MAP3K15: variants seen among roughly 807,000 people sequenced by gnomAD.
MAP3K15 encodes MAPK/ERK kinase kinase 15.
Under a neutral mutation model 99.5 loss-of-function variants are expected in MAP3K15, and 124 were observed. The observed-to-expected ratio is 1.25, with a 90% confidence interval of 1.08 to 1.45. The LOEUF is 1.45. MAP3K15 is among the 40% of genes most tolerant of loss of function. The probability of loss-of-function intolerance (pLI) is 0.00; values close to 1 mark genes in which losing one functional copy is unlikely to be tolerated. For synonymous variants in MAP3K15, 494 were observed against 439.6 expected (o/e 1.12, Z -1.55); for missense variants, 1,242 against 1,079.7 (o/e 1.15, Z -2.11).
intron 18 of MAP3K15, among the ~76,000 whole-genome samples, chrX:19,383,081 A>G (rs2063470786): frequency 9.0e-6 from 1 of 110,861 alleles, no homozygotes; most frequent in African/African-American, 3.3e-5. Flanking sequence ...TTCCAGAACC[A>G]GCCTCATCTT....
chrX:19,394,979 C>T, intron 16 of MAP3K15, 102 bp downstream of exon 16: 1 of 1,014,235 alleles, frequency 9.9e-7, no homozygotes, highest in East Asian at 3.5e-5. Context: ...GCCCTACAGG[C>T]CTGGCTTAGG....
chrX:19,391,956 C>A lies in MAP3K15; in HGVS notation c.2431+46G>T, dbSNP rs779868780. 1.9e-5 allele frequency: 18 copies of A among 968,213 alleles called. No individual in the cohort carries two copies. The East Asian group carries it at 4.3e-4, about 23-fold the overall frequency. 79.8% of individuals were successfully genotyped at this position (968,213 alleles called of 1,213,427 possible). A position where few individuals can be genotyped will look rare whatever the true frequency, so the allele number is the denominator to read the frequency against. ...GAACAACCGCAGCTTGTGCAGAAAGCGTAACTCTGGGATGGGCACCCTGTG... is the reference window on the plus strand; with the variant it reads ...GAACAACCGCAGCTTGTGCAGAAAGAGTAACTCTGGGATGGGCACCCTGTG... On this transcript the variant is annotated intron_variant, in intron 18 of 28. Transcript: ENST00000338883.
At chrX:19,384,749 GAAAAAAAAAAA>G (rs34619145) in intron 18 of MAP3K15, among the ~76,000 whole-genome samples, 83 of 22,554 alleles carry the variant, frequency 3.7e-3, no homozygotes, top group Non-Finnish European at 4.7e-3. Context: ...TGTCTCAGGG[GAAAAAAAAAAA>G]AAAAAAAAAA....
chrX:19,455,006 G>A (rs1177422861), intron 6 of MAP3K15, among the ~76,000 whole-genome samples: 1 of 111,739 alleles, frequency 8.9e-6, no homozygotes, highest in African/African-American at 3.3e-5. Flanking sequence ...CTATGTTGAC[G>A]GCTGGCCAAC....
intron 6 of MAP3K15, among the ~76,000 whole-genome samples, chrX:19,455,192 G>A (rs2064083086): frequency 9.0e-6 from 1 of 110,853 alleles, no homozygotes; most frequent in Non-Finnish European, 1.9e-5. Context: ...AATCAGACTA[G>A]AAGGAAAAGA....
rs754971655 is a variant in MAP3K15, at chrX:19,416,519, C to A, written c.1440-1262G>T. On this transcript the variant is annotated intron_variant, in intron 9 of 28. Transcript: ENST00000338883. ...AACACCATGGGACCCATAGAGAGTG[C>A]CACTAGTGATACTGGAAATGCTCCC... is the stretch of plus-strand genomic sequence containing the variant. Among the ~76,000 whole-genome samples, 3 of 111,469 alleles carry A rather than the reference C, an allele frequency of 2.7e-5. No individual in the cohort carries two copies. In the South Asian group the frequency reaches 1.1e-3, roughly 42 times the overall value.
rs1238173716 is a variant in MAP3K15 at position 19,448,930 on chromosome X, C to CT, written c.995+7982dup. Among the ~76,000 whole-genome samples the CT allele has an allele frequency of 2.0e-4, 22 of 109,201 alleles. No homozygotes were observed. The Admixed American group carries it at 2.0e-3, about 10-fold the overall frequency. 94.8% of individuals were successfully genotyped at this position (109,201 alleles called of 115,157 possible). ...CCTCAAATTAATTCCCACCATTCTA[C>CT]TTTTTTTTCCCAGCAGTCCAGTCCA... On this transcript the variant is annotated intron_variant, in intron 6 of 28. Transcript: ENST00000338883.
chrX:19,384,573 C>T (rs767681592), intron 18 of MAP3K15, among the ~76,000 whole-genome samples: 1 of 107,039 alleles, frequency 9.3e-6, no homozygotes, highest in East Asian at 2.9e-4. Flanking sequence ...AACCCCATCT[C>T]TACTAAAAAA....
intron 7 of MAP3K15, among the ~76,000 whole-genome samples, chrX:19,428,420 C>A (rs188784608): frequency 9.0e-6 from 1 of 111,515 alleles, no homozygotes; most frequent in African/African-American, 3.3e-5. Context: ...ACATTAACTT[C>A]CCTTCGATAC....
Position 19,372,841 on chromosome X carries a change from C to A in MAP3K15, c.2934-14G>T, listed in dbSNP as rs368140397. The A allele has an allele frequency of 1.7e-6, 2 of 1,197,277 alleles. No individual in the cohort carries two copies. The highest frequency in any genetic ancestry group is 1.8e-5 in the African/African-American group (1 of 56,799). ...TCGTCTGGAACACTGTGGACAAACA[C>A]GTGTGACAATCTCTGTGCGTGCCGG... On this transcript the variant is annotated splice_polypyrimidine_tract_variant and intron_variant, in intron 21 of 28. Transcript: ENST00000338883.
chrX:19,382,581 G>A (rs1411446376), intron 18 of MAP3K15, among the ~76,000 whole-genome samples: 1 of 112,245 alleles, frequency 8.9e-6, no homozygotes, highest in Non-Finnish European at 1.9e-5. Context: ...TTGTATCAGT[G>A]AGCACAACAG....
intron 13 of MAP3K15, among the ~76,000 whole-genome samples, chrX:19,405,573 T>C (rs2063642337): frequency 8.9e-6 from 1 of 112,306 alleles, no homozygotes; most frequent in African/African-American, 3.2e-5. Context: ...AACCTTTTGT[T>C]TTGCTATAAA....
intron 7 of MAP3K15, among the ~76,000 whole-genome samples, chrX:19,426,709 C>T (rs143211403): frequency 0.049 from 5,143 of 104,744 alleles, 349 homozygotes; most frequent in African/African-American, 0.17. Flanking sequence ...CCCAGCTACT[C>T]GGGAGGCTGA....
At chrX:19,451,314 G>C (rs1336265132) in intron 6 of MAP3K15, among the ~76,000 whole-genome samples, 1 of 101,467 alleles carries the variant, frequency 9.9e-6, no homozygotes, top group African/African-American at 3.5e-5. Flanking sequence ...TCAGATAAAT[G>C]AGACATCAAA....
intron 3 of MAP3K15, among the ~76,000 whole-genome samples, chrX:19,478,911 C>T (rs1475704723): frequency 1.3e-5 from 1 of 75,974 alleles, no homozygotes; most frequent in Non-Finnish European, 2.6e-5. Context: ...GGGTAGAACA[C>T]CTTGTTTTCT....
chrX:19,435,781 T>C (rs1443870053), intron 6 of MAP3K15, among the ~76,000 whole-genome samples: 2 of 112,362 alleles, frequency 1.8e-5, no homozygotes, highest in Non-Finnish European at 3.8e-5. Flanking sequence ...CAGCAACATC[T>C]GTTTCTGGCA....
At chrX:19,486,436 T>G in intron 3 of MAP3K15, 46 bp downstream of exon 3, 1 of 623,990 alleles carries the variant, frequency 1.6e-6, no homozygotes, top group Non-Finnish European at 2.3e-6. Context: ...AAATTGACAT[T>G]TACATTTAAT....
intron 18 of MAP3K15, among the ~76,000 whole-genome samples, chrX:19,383,838 A>C (rs1416103531): frequency 8.9e-6 from 1 of 111,804 alleles, no homozygotes; most frequent in Non-Finnish European, 1.9e-5. Flanking sequence ...GGCAATAACA[A>C]ATGCGGGCGA....
chrX:19,425,619 G>A lies in MAP3K15; in HGVS notation c.1351C>T (p.Gln451Ter), dbSNP rs762884226. ...EKMNNYWDVG[Q>*]FFSVSMLAHD... is the part of the protein sequence containing the mutation. ...GCCAGCATGCTGACGCTGAAGAACT[G>A]ACCCACATCCCAGTAATTGTTCATT... Residue 451 changes from glutamine (Q) to a stop codon, truncating the protein, a stop_gained, in exon 9 of 29, where the codon CAG becomes TAG. Transcript: ENST00000338883. LOFTEE classifies it high-confidence loss of function. 1.7e-6 allele frequency: 2 copies of A among 1,198,898 alleles called. No individual in the cohort carries two copies. Among genetic ancestry groups the A allele is most frequent in the Non-Finnish European group, 2.2e-6 (2 of 894,233 alleles).
Sources: gnomAD v4.1 joint callset for allele counts (sites outside exome capture counted in the v4.1 genomes callset) on GRCh38, gnomAD v4.1.1 for gene constraint, MANE v1.5 for transcripts, NCBI Gene and HGNC (gene_info 2026-07-23, HGNC 2026-07-21) for gene names.